The following SCN8A variants were observed in gnomAD, a reference collection of about 807,000 sequenced individuals.
SCN8A encodes sodium channel protein type 8 subunit alpha.
Under a neutral mutation model 184.1 loss-of-function variants are expected in SCN8A, and 30 were observed. The observed-to-expected ratio is 0.16, with a 90% CI of 0.12 to 0.22. The LOEUF (loss-of-function observed/expected upper bound fraction) is 0.22, where lower values mean the gene tolerates loss of function less well. SCN8A is among the 10% of genes least tolerant of loss of function. The pLI is 1.00. For missense variants in SCN8A, 1,057 were observed against 2,498.9 expected, an observed-to-expected ratio of 0.42 and a Z score of 12.30; for synonymous variants, 852 against 907.0, an observed-to-expected ratio of 0.94 and a Z score of 1.09.
chr12:51,708,389 A>G (rs986264629), intron 11 of SCN8A, among the ~76,000 whole-genome samples: 4 of 152,364 alleles, frequency 2.6e-5, no homozygotes, highest in African/African-American at 9.6e-5. Flanking sequence ...GCATTCTGTT[A>G]CTATAGATGT....
At chr12:51,618,949 G>A (rs935278309) in intron 1 of SCN8A, among the ~76,000 whole-genome samples, 3 of 152,244 alleles carry the variant, frequency 2.0e-5, no homozygotes, top group South Asian at 2.1e-4. Flanking sequence ...GCACCAGATT[G>A]GAAAGCTGTA....
intron 26 of SCN8A, among the ~76,000 whole-genome samples, chr12:51,803,887 G>A (rs1332718682): frequency 1.3e-5 from 2 of 152,078 alleles, no homozygotes; most frequent in African/African-American, 2.4e-5. Flanking sequence ...TGAACTTACC[G>A]CATCTTGTCT....
At chr12:51,746,263 C>T (rs777278833) in intron 13 of SCN8A, among the ~76,000 whole-genome samples, 2 of 152,034 alleles carry the variant, frequency 1.3e-5, no homozygotes, top group African/African-American at 2.4e-5. Flanking sequence ...TACACAGGTA[C>T]GTAAGAGATA....
chr12:51,789,485 TC>T (rs1938182299), intron 24 of SCN8A, 67 bp downstream of exon 24: 1 of 1,505,462 alleles, frequency 6.6e-7, no homozygotes, highest in African/African-American at 1.4e-5. Flanking sequence ...TTTGTCCCTA[TC>T]TCTAGAAAGA....
rs187889692 is a variant in SCN8A at position 51,600,727 on chromosome 12, G to T, written c.-55+9368G>T. ...ATCATTGAATGAGAAAAAATAAAGG[G>T]TTACTAGATTATCAGAACATGGACA... On this transcript the variant is annotated intron_variant, in intron 1 of 26. Transcript: ENST00000627620. 3.2e-3 allele frequency among the ~76,000 whole-genome samples: 481 copies of T among 151,892 alleles called. 4 individuals carry two copies. Among genetic ancestry groups the T allele is most frequent in the African/African-American group, 0.011 (455 of 41,430 alleles).
intron 12 of SCN8A, among the ~76,000 whole-genome samples, chr12:51,732,481 T>C (rs1942259560): frequency 6.6e-6 from 1 of 152,242 alleles, no homozygotes; most frequent in African/African-American, 2.4e-5. Context: ...AGCTCCGTTG[T>C]ATAATTTAAA....
chr12:51,745,857 A>T (rs1489177486), intron 12 of SCN8A, 46 bp from the exon 13 acceptor site: 3 of 1,481,460 alleles, frequency 2.0e-6, no homozygotes, highest in Non-Finnish European at 1.8e-6. Flanking sequence ...ATTTACCTTT[A>T]TAGACTTAAC....
At chr12:51,747,089 ATGTGTGTG>A (rs60490453) in intron 13 of SCN8A, among the ~76,000 whole-genome samples, 3 of 81,242 alleles carry the variant, frequency 3.7e-5, no homozygotes, top group South Asian at 3.4e-4. Context: ...CTCTGTGTGT[ATGTGTGTG>A]TGTGTGTGTG....
intron 1 of SCN8A, among the ~76,000 whole-genome samples, chr12:51,641,710 C>T (rs763421129): frequency 5.9e-5 from 9 of 152,246 alleles, no homozygotes; most frequent in Non-Finnish European, 1.2e-4. Context: ...ATCTTATCCA[C>T]TGTGCGGAAA....
intron 1 of SCN8A, among the ~76,000 whole-genome samples, chr12:51,607,196 C>T (rs1181911836): frequency 1.3e-5 from 2 of 152,002 alleles, no homozygotes; most frequent in East Asian, 1.9e-4. Context: ...CTTGCCTGGC[C>T]GGGGTTTAGT....
intron 2 of SCN8A, among the ~76,000 whole-genome samples, chr12:51,681,866 T>C (rs1019205533): frequency 6.6e-6 from 1 of 152,130 alleles, no homozygotes; most frequent in Non-Finnish European, 1.5e-5. Context: ...GTACATAGGC[T>C]GATCATTATT....
At chr12:51,607,654 C>T (rs947283588) in intron 1 of SCN8A, among the ~76,000 whole-genome samples, 7 of 152,218 alleles carry the variant, frequency 4.6e-5, no homozygotes, top group Middle Eastern at 6.8e-3. Context: ...TGCATTTTGT[C>T]GAATGCTTTT....
chr12:51,693,290 A>G (rs1314269238), intron 6 of SCN8A, among the ~76,000 whole-genome samples: 1 of 152,170 alleles, frequency 6.6e-6, no homozygotes, highest in African/African-American at 2.4e-5. Flanking sequence ...ATTGCTTCTT[A>G]GGAAAGATAA....
At chr12:51,773,746 C>A (rs2138877926) in intron 19 of SCN8A, among the ~76,000 whole-genome samples, 1 of 152,306 alleles carries the variant, frequency 6.6e-6, no homozygotes, top group South Asian at 2.1e-4. Context: ...ATACACATGT[C>A]CATCAACTGA....
intron 14 of SCN8A, among the ~76,000 whole-genome samples, chr12:51,752,437 A>C (rs183166030): frequency 3.9e-5 from 6 of 151,922 alleles, no homozygotes; most frequent in Non-Finnish European, 8.8e-5. Context: ...CACACACACC[A>C]CACACCACAC....
intron 1 of SCN8A, among the ~76,000 whole-genome samples, chr12:51,603,119 T>C (rs1434991469): frequency 1.3e-5 from 2 of 152,162 alleles, no homozygotes; most frequent in East Asian, 3.9e-4. Context: ...ACAATCAGGA[T>C]ACAGAACAGT....
intron 19 of SCN8A, among the ~76,000 whole-genome samples, chr12:51,773,692 C>T (rs560856117): frequency 2.0e-5 from 3 of 152,336 alleles, no homozygotes; most frequent in African/African-American, 7.2e-5. Context: ...TACCTAAAAA[C>T]CCATACACAG....
chr12:51,630,921 T>G (rs1180117098), intron 1 of SCN8A, among the ~76,000 whole-genome samples: 1 of 152,206 alleles, frequency 6.6e-6, no homozygotes, highest in Non-Finnish European at 1.5e-5. Context: ...TATGTTCAGA[T>G]TCTCTTTAAT....
intron 1 of SCN8A, among the ~76,000 whole-genome samples, chr12:51,622,877 ATTTG>A (rs1939994405): frequency 6.6e-6 from 1 of 152,012 alleles, no homozygotes; most frequent in African/African-American, 2.4e-5. Flanking sequence ...CCTTCTACCT[ATTTG>A]TTTATTTATT....
Sources: gnomAD v4.1 joint callset for allele counts (sites outside exome capture counted in the v4.1 genomes callset) on GRCh38, gnomAD v4.1.1 for gene constraint, MANE v1.5 for transcripts, NCBI Gene and HGNC (gene_info 2026-07-23, HGNC 2026-07-21) for gene names.